Variants in MGAT5B observed in about 807,000 individuals in gnomAD.
The protein encoded by MGAT5B is N-acetylglucosaminyl-transferase Vb.
A neutral mutation model predicts 95.1 loss-of-function variants in MGAT5B; 54 were observed. The ratio of observed to expected loss-of-function variants is 0.57; its 90% confidence interval spans 0.46 to 0.71. The LOEUF (loss-of-function observed/expected upper bound fraction) is 0.71, where lower values mean the gene tolerates loss of function less well. Ranked by LOEUF, MGAT5B falls within the 30% of genes least tolerant of loss-of-function variation. The pLI is 0.00. For synonymous variants in MGAT5B, 464 were observed against 451.0 expected (o/e 1.03, Z -0.36); for missense variants, 935 against 1,088.6 (o/e 0.86, Z 1.99).
intron 10 of MGAT5B, among the ~76,000 whole-genome samples, chr17:76,928,919 G>A (rs1969399231): frequency 6.6e-6 from 1 of 151,128 alleles, no homozygotes; most frequent in South Asian, 2.1e-4. Context: ...AGGCTGGAGT[G>A]CAGTGGCGCG....
chr17:76,903,171 G>C, intron 4 of MGAT5B, 132 bp from the exon 5 acceptor site: 1 of 682,184 alleles, frequency 1.5e-6, no homozygotes, highest in Non-Finnish European at 2.4e-6. Context: ...TGGGTGGGTT[G>C]TGCGGCTGAT....
At chr17:76,920,098 C>T (rs987893800) in intron 8 of MGAT5B, among the ~76,000 whole-genome samples, 1 of 152,158 alleles carries the variant, frequency 6.6e-6, no homozygotes, top group African/African-American at 2.4e-5. Flanking sequence ...ATATTCTAAC[C>T]AGCCAGTTTG....
chr17:76,906,692 G>A lies in MGAT5B; in HGVS notation c.1025+505G>A, dbSNP rs1968542743. On this transcript the variant is annotated intron_variant, in intron 8 of 17. Coordinates refer to ENST00000569840, the MANE Select transcript of MGAT5B (RefSeq NM_001199172.2). The surrounding 1 kb of genome is among the most constrained non-coding windows in gnomAD (Gnocchi z 4.6). The stretch of plus-strand genomic sequence containing the variant: ...CCCTTGGATGCTGTGGGAGGTGGAA[G>A]GGCAGTGATTAGAGGCTCCCCTGAG... Among the ~76,000 whole-genome samples the A allele has an allele frequency of 6.6e-6, 1 of 152,152 alleles. No individual in the cohort carries two copies. Among genetic ancestry groups the A allele is most frequent in the South Asian group, 2.1e-4 (1 of 4,824 alleles).
rs1194902344 is a variant in MGAT5B, at chr17:76,942,392, G to T, written c.1848+1544G>T. Among the ~76,000 whole-genome samples the T allele has an allele frequency of 2.6e-5, 4 of 152,186 alleles. No homozygotes were observed. The East Asian group carries it at 7.7e-4, about 29-fold the overall frequency. ...AAAATACAAAAAGAAATTTAGACAG[G>T]CGTGGTGGCACACGACTGTGATCCA... On this transcript the variant is annotated intron_variant, in intron 15 of 17. Coordinates refer to ENST00000569840, the MANE Select transcript of MGAT5B (RefSeq NM_001199172.2).
intron 12 of MGAT5B, 80 bp from the exon 13 acceptor site, chr17:76,937,908 C>A (rs1969728671): frequency 6.5e-7 from 1 of 1,549,268 alleles, no homozygotes; most frequent in Non-Finnish European, 8.8e-7. Context: ...TTCTGACTTC[C>A]AGACCAAAGG....
At position 76,898,317 on chromosome 17, in the gene MGAT5B, G is replaced by T. The variant is rs1320811914; in HGVS notation, c.330-4238G>T. Reference sequence around the variant, plus strand: ...AACATCATATAAATGGAGTCACAGAGTACATAATCTTTTTATTTTTTTTTT... The same window carrying T: ...AACATCATATAAATGGAGTCACAGATTACATAATCTTTTTATTTTTTTTTT... On this transcript the variant is annotated intron_variant, in intron 3 of 17. Transcript: ENST00000569840. 8.1e-5 allele frequency among the ~76,000 whole-genome samples: 12 copies of T among 148,860 alleles called. No homozygotes were observed. The Admixed American group carries it at 8.2e-4, about 10-fold the overall frequency.
Position 76,906,253 on chromosome 17 carries a change from C to T in MGAT5B, c.1025+66C>T. 1 of 1,479,352 alleles carries T rather than the reference C, an allele frequency of 6.8e-7. No individual in the cohort carries two copies. The highest frequency in any genetic ancestry group is 1.3e-5 in the South Asian group (1 of 76,924). The allele number at this position is 1,479,352 out of a possible 1,614,324, so 91.6% of individuals were successfully genotyped here. ...GAGGGGATGAAGGGGAACCCCACCC[C>T]TCCCTCCCAGGGGCTGTGGGAGCAC... On this transcript the variant is annotated intron_variant, in intron 8 of 17. Transcript: ENST00000569840. The surrounding 1 kb of genome is among the most constrained non-coding windows in gnomAD (Gnocchi z 4.6).
chr17:76,940,437 C>T lies in MGAT5B; in HGVS notation c.1620C>T (p.Pro540=), dbSNP rs780900826. ...GGTTTGGCTTCCCCTACGAGGGCCC[C>T]GCCCCCCTGGAGGCCATCGCCAATG... The part of the protein sequence containing the change: ...FIGFGFPYEG[P]APLEAIANGC... Residue 540 remains proline (P), a synonymous_variant, in exon 14 of 18, where the codon CCC becomes CCT. Transcript: ENST00000569840. The surrounding 1 kb of genome is among the most constrained non-coding windows in gnomAD (Gnocchi z 4.3). 23 of 1,612,582 alleles carry T rather than the reference C, an allele frequency of 1.4e-5. No homozygotes were observed. The highest frequency in any genetic ancestry group is 5.0e-5 in the Admixed American group (3 of 59,860).
At chr17:76,903,438 C>T in intron 5 of MGAT5B, 62 bp downstream of exon 5, 3 of 1,427,104 alleles carry the variant, frequency 2.1e-6, no homozygotes, top group Non-Finnish European at 2.9e-6. Context: ...CTGGCCCTGG[C>T]CCCTCACCCA....
At position 76,914,038 on chromosome 17, in the gene MGAT5B, C is replaced by G; in HGVS notation, c.1025+7851C>G. The G allele has an allele frequency of 3.2e-6, 1 of 315,578 alleles. No homozygotes were observed. The highest frequency in any genetic ancestry group is 2.8e-5 in the South Asian group (1 of 36,226). 19.5% of individuals were successfully genotyped at this position (315,578 alleles called of 1,614,324 possible). A position where few individuals can be genotyped will look rare whatever the true frequency, so the allele number is the denominator to read the frequency against. ...ATCACTTGAGCCTGGGAAGTCGAGG[C>G]TACAGTCAGCCGTGATCATGCTACT... is the stretch of plus-strand genomic sequence containing the variant. On this transcript the variant is annotated intron_variant, in intron 8 of 17. Coordinates refer to ENST00000569840, the MANE Select transcript of MGAT5B (RefSeq NM_001199172.2). The surrounding 1 kb of genome is among the most constrained non-coding windows in gnomAD (Gnocchi z 5.1).
chr17:76,939,030 G>GTGTA (rs1969773573), intron 13 of MGAT5B, among the ~76,000 whole-genome samples: 1 of 41,374 alleles, frequency 2.4e-5, no homozygotes. Context: ...CATCTTGGGG[G>GTGTA]TGTGTGTGTG....
In MGAT5B at chr17:76,916,079, G is replaced by T. The variant is rs62077162; in HGVS notation, c.1026-8887G>T. Among the ~76,000 whole-genome samples the T allele has an allele frequency of 6.7e-6, 1 of 150,218 alleles. No individual in the cohort carries two copies. On this transcript the variant is annotated intron_variant, in intron 8 of 17. Coordinates refer to ENST00000569840, the MANE Select transcript of MGAT5B (RefSeq NM_001199172.2). This position sits in a 1 kb window ranked among gnomAD's most constrained non-coding sequence, Gnocchi z 5.3. ...AATGTCGTGGGCCTCTGCTGCTGGG[G>T]CCTGGGGCTGCCCTGGCCCCTGCCC...
intron 8 of MGAT5B, among the ~76,000 whole-genome samples, chr17:76,909,293 TTCTA>T (rs1968647426): frequency 6.6e-6 from 1 of 152,218 alleles, no homozygotes; most frequent in African/African-American, 2.4e-5. Context: ...AACTTATTCC[TTCTA>T]TCTATCTATA....
intron 3 of MGAT5B, among the ~76,000 whole-genome samples, chr17:76,895,624 CTGTT>C (rs1457493314): frequency 1.3e-5 from 2 of 152,162 alleles, no homozygotes; most frequent in Non-Finnish European, 2.9e-5. Flanking sequence ...GGTGTCCTCT[CTGTT>C]TGTGAGTTTC....
rs566357260 is a variant in MGAT5B at position 76,938,106 on chromosome 17, C to T, written c.1547C>T (p.Pro516Leu). 1.7e-5 allele frequency: 27 copies of T among 1,614,128 alleles called. No individual in the cohort carries two copies. The highest frequency in any genetic ancestry group is 1.9e-5 in the Non-Finnish European group (23 of 1,180,054). ...TTTGTGAAGAACCACGGCCTCTTAC[C>T]GCAGCCTGAGTTTCAGCAGCTGCTG... The part of the protein sequence containing the change: ...PAFVKNHGLL[P>L]QPEFQQLLRK... Residue 516 changes from proline to leucine, a missense_variant, in exon 13 of 18, where the codon CCG becomes CTG. Transcript: ENST00000569840. The surrounding 1 kb of genome is among the most constrained non-coding windows in gnomAD (Gnocchi z 4.3).
In MGAT5B at chr17:76,949,102, C is replaced by T. The variant is rs1025985062; in HGVS notation, c.*264C>T. ...GCATCGTGGCCAAGCAGGTGTCGGA[C>T]TGCTCAGAGTCCGCATGGCCCAGGA... On this transcript the variant is annotated 3_prime_UTR_variant, in exon 18 of 18. Coordinates refer to ENST00000569840, the MANE Select transcript of MGAT5B (RefSeq NM_001199172.2). 18 of 542,854 alleles carry T rather than the reference C, an allele frequency of 3.3e-5. No homozygotes were observed. The highest frequency in any genetic ancestry group is 4.9e-5 in the Non-Finnish European group (15 of 303,054). The allele number at this position is 542,854 out of a possible 1,614,324, so 33.6% of individuals were successfully genotyped here. A position where few individuals can be genotyped will look rare whatever the true frequency, so the allele number is the denominator to read the frequency against.
At chr17:76,927,320 G>A (rs7221704) in intron 10 of MGAT5B, among the ~76,000 whole-genome samples, 23,048 of 151,988 alleles carry the variant, frequency 0.15, 1,884 homozygotes, top group Non-Finnish European at 0.19. Context: ...GCTCACTGCA[G>A]CCTCGACCTC....
chr17:76,897,661 CTTT>C (rs1225065493), intron 3 of MGAT5B, among the ~76,000 whole-genome samples: 435 of 18,294 alleles, frequency 0.024, 5 homozygotes, highest in South Asian at 0.11. Flanking sequence ...AGTAAGGCCA[CTTT>C]CTTTCTTTCT....
At chr17:76,893,779 T>C (rs1215122311) in intron 3 of MGAT5B, among the ~76,000 whole-genome samples, 2 of 152,176 alleles carry the variant, frequency 1.3e-5, no homozygotes, top group Admixed American at 6.5e-5. Flanking sequence ...CCAGTGGAAA[T>C]AGCCCTGAAA....
Sources: gnomAD v4.1 joint callset for allele counts (sites outside exome capture counted in the v4.1 genomes callset) on GRCh38, gnomAD v4.1.1 for gene constraint, Gnocchi (gnomAD v3.1) non-coding constraint, MANE v1.5 for transcripts, NCBI Gene and HGNC (gene_info 2026-07-23, HGNC 2026-07-21) for gene names.